Variants in NCOA1 observed in about 807,000 individuals in gnomAD.
NCOA1 encodes the protein Hin-2 protein.
Under a neutral mutation model 150.9 loss-of-function variants are expected in NCOA1, and 35 were observed. The ratio of observed to expected loss-of-function variants is 0.23; its 90% CI spans 0.18 to 0.31. NCOA1 has a LOEUF of 0.31. NCOA1 is among the 10% of genes least tolerant of loss of function. The pLI, the probability that NCOA1 is intolerant of heterozygous loss-of-function variation, is 1.00. For synonymous variants in NCOA1, 590 were observed against 630.0 expected (o/e 0.94, Z 0.95); for missense variants, 1,491 against 1,749.3 (o/e 0.85, Z 2.63).
At chr2:24,732,310 C>A (rs549182545) in intron 17 of NCOA1, among the ~76,000 whole-genome samples, 39 of 152,274 alleles carry the variant, frequency 2.6e-4, no homozygotes, top group African/African-American at 9.4e-4. Context: ...AGTAAAGTAT[C>A]CACCAAGTTG....
intron 3 of NCOA1, among the ~76,000 whole-genome samples, chr2:24,636,084 A>T (rs1191264363): frequency 1.3e-5 from 2 of 152,168 alleles, no homozygotes; most frequent in African/African-American, 2.4e-5. Context: ...AGCATTACAA[A>T]TGTATTGTTA....
In NCOA1 at chr2:24,758,145, T is replaced by C; in HGVS notation, c.4054T>C (p.Cys1352Arg). The C allele has an allele frequency of 6.2e-7, 1 of 1,611,502 alleles. No individual in the cohort carries two copies. The highest frequency in any genetic ancestry group is 8.5e-7 in the Non-Finnish European group (1 of 1,177,910). Residue 1352 changes from cysteine to arginine, a missense_variant, in exon 21 of 23, where the codon TGC (cysteine) becomes CGC (arginine). Around this residue, in one of 8 missense-constraint regions of NCOA1, gnomAD observed 485 missense variants for 522.8 expected, o/e 0.93. Coordinates refer to ENST00000348332, the MANE Select transcript of NCOA1 (RefSeq NM_003743.5). Reference protein sequence around the residue: ...SLQMPGMNTVCPEQINDPALR... With the variant: ...SLQMPGMNTVRPEQINDPALR... ...GCAGATGCCAGGAATGAACACTGTG[T>C]GCCCTGAGCAGGTAAGTGGCACACT... is the stretch of plus-strand genomic sequence containing the variant.
intron 22 of NCOA1, among the ~76,000 whole-genome samples, chr2:24,764,971 C>G (rs55782841): frequency 0.074 from 11,283 of 152,070 alleles, 505 homozygotes; most frequent in African/African-American, 0.12. Flanking sequence ...CATTTGAGGT[C>G]AGGAGTTTGA....
chr2:24,500,112 C>T (rs981289407), intron 1 of NCOA1, among the ~76,000 whole-genome samples: 1 of 152,008 alleles, frequency 6.6e-6, no homozygotes, highest in African/African-American at 2.4e-5. Flanking sequence ...TTCTTTCTTT[C>T]TTTCTTTTTT....
rs142674833 is a variant in NCOA1 at position 24,729,502 on chromosome 2, G to A, written c.2888G>A (p.Gly963Glu). Residue 963 changes from glycine to glutamate, a missense_variant and splice_region_variant, in exon 17 of 23, where the codon GGG becomes GAG. Gly to Glu is a moderately conservative substitution (Grantham distance 98). Transcript: ENST00000348332. ...ATATTCTGGCTTCTTTTCTAACAGG[G>A]GGGTGGATTAGATGTATTATCAGAG... ...RALGIDKLVQ[G>E]GGLDVLSERF... is the part of the protein sequence containing the mutation. 6.2e-6 allele frequency: 10 copies of A among 1,610,478 alleles called. No individual in the cohort carries two copies. The African/African-American group carries it at 1.1e-4, about 17-fold the overall frequency.
chr2:24,698,483 A>G (rs1485269606), intron 11 of NCOA1, among the ~76,000 whole-genome samples: 1 of 152,202 alleles, frequency 6.6e-6, no homozygotes, highest in African/African-American at 2.4e-5. Context: ...TCATGGAAGT[A>G]TAAGATATGT....
chr2:24,750,435 T>C (rs1311362989), intron 19 of NCOA1, among the ~76,000 whole-genome samples: 1 of 152,178 alleles, frequency 6.6e-6, no homozygotes. Context: ...AGTAAACCCT[T>C]ACTTTTATGG....
At chr2:24,730,799 G>A (rs542951362) in intron 17 of NCOA1, among the ~76,000 whole-genome samples, 18 of 150,654 alleles carry the variant, frequency 1.2e-4, no homozygotes, top group African/African-American at 4.4e-4. Flanking sequence ...ACCAAGGCGG[G>A]TGGATCACTT....
At chr2:24,578,748 G>T (rs552852849) in intron 2 of NCOA1, among the ~76,000 whole-genome samples, 1 of 151,944 alleles carries the variant, frequency 6.6e-6, no homozygotes, top group South Asian at 2.1e-4. Context: ...CATATCTAAG[G>T]GCATGGATTA....
chr2:24,558,664 C>T (rs1558793336), intron 1 of NCOA1, among the ~76,000 whole-genome samples: 1 of 152,042 alleles, frequency 6.6e-6, no homozygotes, highest in African/African-American at 2.4e-5. Flanking sequence ...ATATCAAAAG[C>T]GAAACACCGA....
chr2:24,755,991 T>C (rs1664477267), intron 20 of NCOA1, among the ~76,000 whole-genome samples: 1 of 148,616 alleles, frequency 6.7e-6, no homozygotes. Flanking sequence ...CCCAGCACTT[T>C]GGGAGGCCGA....
chr2:24,623,928 T>A (rs966657084), intron 3 of NCOA1, among the ~76,000 whole-genome samples: 7 of 152,150 alleles, frequency 4.6e-5, no homozygotes, highest in Non-Finnish European at 1.0e-4. Context: ...ACTTCACATA[T>A]AAACTTGAGA....
intron 1 of NCOA1, among the ~76,000 whole-genome samples, chr2:24,560,255 G>T (rs906458350): frequency 2.6e-5 from 4 of 152,032 alleles, no homozygotes; most frequent in Admixed American, 6.6e-5. Context: ...GTTGTATAGT[G>T]GCCACTTCTT....
chr2:24,753,153 C>T (rs1441582755), intron 20 of NCOA1, among the ~76,000 whole-genome samples: 6 of 152,090 alleles, frequency 3.9e-5, no homozygotes, highest in Non-Finnish European at 8.8e-5. Flanking sequence ...ATCTGTAATA[C>T]AAGAGGAATT....
rs58991961 is a variant in NCOA1, at chr2:24,642,007, C to CGTGTGTGTGTGTGTGT, written c.-174-1943_-174-1928dup. Among the ~76,000 whole-genome samples the CGTGTGTGTGTGTGTGT allele has an allele frequency of 1.2e-3, 178 of 145,012 alleles. 1 individual carries two copies. The highest frequency in any genetic ancestry group is 6.9e-3 in the Middle Eastern group (2 of 288). ...GGTATTGCCAGCAGATTACAGAGGG[C>CGTGTGTGTGTGTGTGT]GTGTGTGTGTGTGTGTGTGTGTGTG... On this transcript the variant is annotated intron_variant, in intron 3 of 22. Transcript: ENST00000348332.
At chr2:24,677,365 CAAAA>C (rs200487873) in intron 7 of NCOA1, among the ~76,000 whole-genome samples, 1 of 151,460 alleles carries the variant, frequency 6.6e-6, no homozygotes, top group Non-Finnish European at 1.5e-5. Context: ...AACAAACAAA[CAAAA>C]AAAACAAACC....
chr2:24,519,630 G>T (rs1324810647), intron 1 of NCOA1, among the ~76,000 whole-genome samples: 2 of 149,156 alleles, frequency 1.3e-5, no homozygotes, highest in Non-Finnish European at 3.0e-5. Flanking sequence ...GAACAGCCTG[G>T]GCAGCAAAGG....
intron 18 of NCOA1, among the ~76,000 whole-genome samples, chr2:24,740,430 G>A (rs1663547039): frequency 6.6e-6 from 1 of 152,130 alleles, no homozygotes; most frequent in Non-Finnish European, 1.5e-5. Context: ...TGTACTGCAT[G>A]TTACTCTACT....
intron 1 of NCOA1, among the ~76,000 whole-genome samples, chr2:24,555,436 T>C (rs941118358): frequency 6.6e-6 from 1 of 152,198 alleles, no homozygotes; most frequent in Non-Finnish European, 1.5e-5. Context: ...TAGTTTTTGC[T>C]CGTGTAGAGT....
Sources: gnomAD v4.1 joint callset for allele counts (sites outside exome capture counted in the v4.1 genomes callset) on GRCh38, gnomAD v4.1.1 for gene constraint, gnomAD v4.1.1 regional missense constraint, MANE v1.5 for transcripts, NCBI Gene and HGNC (gene_info 2026-07-23, HGNC 2026-07-21) for gene names.